The following GRIK4 variants were observed in gnomAD, a reference collection of about 807,000 sequenced individuals.
The protein encoded by GRIK4 is glutamate ionotropic receptor kainate type subunit 4.
Under a neutral mutation model 104.9 loss-of-function variants are expected in GRIK4, and 40 were observed. That is an observed-to-expected ratio of 0.38 (90% CI 0.30 to 0.50). GRIK4 has a LOEUF of 0.50. GRIK4 is among the 20% of genes least tolerant of loss of function. The pLI is 0.93. For synonymous variants in GRIK4, 485 were observed against 524.9 expected, an observed-to-expected ratio of 0.92 and a Z score of 1.04; for missense variants, 1,047 against 1,308.1, an observed-to-expected ratio of 0.80 and a Z score of 3.08.
intron 1 of GRIK4, among the ~76,000 whole-genome samples, chr11:120,612,248 T>C (rs546219361): frequency 1.3e-5 from 2 of 152,268 alleles, no homozygotes; most frequent in East Asian, 1.9e-4. Flanking sequence ...GACTTTACCA[T>C]TGGTAGAGTT....
chr11:120,768,160 A>T (rs1951871757), intron 3 of GRIK4, among the ~76,000 whole-genome samples: 1 of 151,944 alleles, frequency 6.6e-6, no homozygotes, highest in Non-Finnish European at 1.5e-5. Flanking sequence ...GCATTTTAAC[A>T]ATATTATTCT....
chr11:120,623,975 T>G, intron 1 of GRIK4, among the ~76,000 whole-genome samples: 1 of 142,186 alleles, frequency 7.0e-6, no homozygotes, highest in East Asian at 2.3e-4. Flanking sequence ...CCCTTCCCTC[T>G]TCCTCCTCCC....
chr11:120,541,332 C>T (rs1356232787), intron 1 of GRIK4, among the ~76,000 whole-genome samples: 1 of 152,170 alleles, frequency 6.6e-6, no homozygotes, highest in African/African-American at 2.4e-5. Flanking sequence ...CTATTTATTC[C>T]TGTGTCAGTT....
chr11:120,678,697 G>A (rs763344925), intron 3 of GRIK4, among the ~76,000 whole-genome samples: 24 of 151,714 alleles, frequency 1.6e-4, no homozygotes, highest in Non-Finnish European at 2.7e-4. Flanking sequence ...AAAGTGGCAC[G>A]ATCTTGGCTC....
At chr11:120,641,592 G>A (rs2135200636) in intron 1 of GRIK4, among the ~76,000 whole-genome samples, 1 of 152,326 alleles carries the variant, frequency 6.6e-6, no homozygotes, top group Non-Finnish European at 1.5e-5. Context: ...CATGGCATTT[G>A]TAAACTGTCA....
chr11:120,872,570 T>C (rs2135673588), intron 9 of GRIK4: 1 of 153,484 alleles, frequency 6.5e-6, no homozygotes, highest in Non-Finnish European at 1.5e-5. Flanking sequence ...AGGGGCAATG[T>C]TGAGTCGCCA....
At chr11:120,685,632 T>C (rs4445646) in intron 3 of GRIK4, among the ~76,000 whole-genome samples, 72,856 of 152,038 alleles carry the variant, frequency 0.48, 20,058 homozygotes, top group African/African-American at 0.76. Flanking sequence ...AGGCATTCTT[T>C]TCCCTATCAA....
intron 1 of GRIK4, among the ~76,000 whole-genome samples, chr11:120,530,791 GGT>G: frequency 6.6e-6 from 1 of 152,266 alleles, no homozygotes; most frequent in Middle Eastern, 3.4e-3. Flanking sequence ...ATGGCCCTGG[GGT>G]GTGGAGGGGA....
intron 14 of GRIK4, among the ~76,000 whole-genome samples, chr11:120,951,788 C>T (rs1285480404): frequency 2.0e-5 from 3 of 152,214 alleles, no homozygotes; most frequent in Non-Finnish European, 4.4e-5. Flanking sequence ...GGAAGTTGGA[C>T]TCAGTGGTGT....
intron 9 of GRIK4, 42 bp from the exon 10 acceptor site, chr11:120,874,024 C>T (rs1954689701): frequency 1.3e-6 from 2 of 1,568,424 alleles, no homozygotes; most frequent in Admixed American, 1.7e-5. Context: ...TTCCTCTACA[C>T]CTCTCACTCC....
At chr11:120,964,281 C>T (rs1227519292) in intron 18 of GRIK4, among the ~76,000 whole-genome samples, 1 of 152,026 alleles carries the variant, frequency 6.6e-6, no homozygotes, top group Non-Finnish European at 1.5e-5. Context: ...CGTGAGCCAC[C>T]ACTACTTGAC....
At chr11:120,786,673 G>A (rs562640499) in intron 3 of GRIK4, among the ~76,000 whole-genome samples, 1 of 152,234 alleles carries the variant, frequency 6.6e-6, no homozygotes, top group Admixed American at 6.5e-5. Context: ...GTACATATCA[G>A]AGCAGCTATT....
At chr11:120,751,450 A>C (rs9666060) in intron 3 of GRIK4, among the ~76,000 whole-genome samples, 135 of 152,356 alleles carry the variant, frequency 8.9e-4, no homozygotes, top group African/African-American at 2.7e-3. Context: ...AATAAATAAA[A>C]TAAATGGCCG....
At chr11:120,696,869 C>T (rs1950458374) in intron 3 of GRIK4, among the ~76,000 whole-genome samples, 1 of 152,194 alleles carries the variant, frequency 6.6e-6, no homozygotes, top group Non-Finnish European at 1.5e-5. Flanking sequence ...CTGTCAGAGC[C>T]CAGAACAGGT....
intron 13 of GRIK4, among the ~76,000 whole-genome samples, chr11:120,908,060 G>A (rs1397811200): frequency 6.6e-6 from 1 of 152,178 alleles, no homozygotes; most frequent in African/African-American, 2.4e-5. Flanking sequence ...ACAGCAAGCA[G>A]AGGCCCATGT....
intron 1 of GRIK4, among the ~76,000 whole-genome samples, chr11:120,521,200 T>C (rs888151449): frequency 3.3e-5 from 5 of 152,072 alleles, no homozygotes; most frequent in African/African-American, 1.2e-4. Flanking sequence ...ATCCTCCCAA[T>C]AGCTTGGGAC....
intron 4 of GRIK4, among the ~76,000 whole-genome samples, chr11:120,804,842 A>G (rs759772834): frequency 5.9e-5 from 9 of 152,120 alleles, no homozygotes; most frequent in Non-Finnish European, 1.2e-4. Flanking sequence ...CAGGCTGCCT[A>G]ATAACTACTC....
At chr11:120,655,387 G>A (rs1299930896) in intron 2 of GRIK4, among the ~76,000 whole-genome samples, 2 of 152,102 alleles carry the variant, frequency 1.3e-5, no homozygotes, top group Non-Finnish European at 2.9e-5. Context: ...TGGGGCATCA[G>A]GTGCCGTAGG....
intron 1 of GRIK4, among the ~76,000 whole-genome samples, chr11:120,600,450 C>T (rs890319022): frequency 1.3e-5 from 2 of 152,212 alleles, no homozygotes; most frequent in Non-Finnish European, 2.9e-5. Flanking sequence ...CTGAGGCTAA[C>T]TCAGGGAAAT....
Sources: allele counts gnomAD v4.1 joint callset (sites outside exome capture counted in the v4.1 genomes callset), GRCh38; gene constraint gnomAD v4.1.1; transcripts MANE v1.5; gene names NCBI Gene and HGNC (gene_info 2026-07-23, HGNC 2026-07-21).